FAM78B: variants seen among roughly 807,000 people sequenced by gnomAD.
The protein encoded by FAM78B is family with sequence similarity 78 member B.
In FAM78B, 10 loss-of-function variants were observed where a neutral mutation model predicts 20.0. That is an observed-to-expected ratio of 0.50 (90% CI 0.31 to 0.85). FAM78B has a LOEUF of 0.85. Ranked by LOEUF, FAM78B falls within the 40% of genes least tolerant of loss-of-function variation. The probability of loss-of-function intolerance (pLI) is 0.05; values close to 1 mark genes in which losing one functional copy is unlikely to be tolerated. For synonymous variants in FAM78B, 135 were observed against 132.8 expected, an observed-to-expected ratio of 1.02 and a Z score of -0.12; for missense variants, 283 against 345.0, an observed-to-expected ratio of 0.82 and a Z score of 1.42.
At chr1:166,098,712 T>C (rs1290736952) in intron 1 of FAM78B, among the ~76,000 whole-genome samples, 4 of 151,890 alleles carry the variant, frequency 2.6e-5, no homozygotes, top group Non-Finnish European at 5.9e-5. Flanking sequence ...GAATAAAATA[T>C]GAACAAAGCC....
intron 1 of FAM78B, among the ~76,000 whole-genome samples, chr1:166,091,610 G>A (rs1273399852): frequency 6.6e-6 from 1 of 152,150 alleles, no homozygotes; most frequent in African/African-American, 2.4e-5. Flanking sequence ...GCAGCATGAG[G>A]ACAGACTAAT....
chr1:166,137,998 G>A (rs551270187), intron 1 of FAM78B, among the ~76,000 whole-genome samples: 131 of 152,306 alleles, frequency 8.6e-4, no homozygotes, highest in Non-Finnish European at 1.6e-3. Flanking sequence ...TACTGGCAGG[G>A]CAGGGCTTCT....
intron 1 of FAM78B, among the ~76,000 whole-genome samples, chr1:166,086,497 T>C (rs1263089724): frequency 6.6e-6 from 1 of 152,074 alleles, no homozygotes; most frequent in African/African-American, 2.4e-5. Context: ...GTCAAGGTCA[T>C]GAAAGCGGGG....
chr1:166,156,825 A>G (rs1655915422), intron 1 of FAM78B, among the ~76,000 whole-genome samples: 1 of 151,780 alleles, frequency 6.6e-6, no homozygotes, highest in African/African-American at 2.4e-5. Context: ...GCTTGGACAA[A>G]CTGTAGCTCC....
intron 1 of FAM78B, among the ~76,000 whole-genome samples, chr1:166,115,639 G>C (rs527979810): frequency 6.6e-6 from 1 of 152,310 alleles, no homozygotes; most frequent in Admixed American, 6.5e-5. Flanking sequence ...GGCAGCTTAT[G>C]ATCTATCAAA....
downstream of FAM78B, among the ~76,000 whole-genome samples, chr1:166,068,259 C>CT (rs1651876571): frequency 6.6e-6 from 1 of 152,144 alleles, no homozygotes; most frequent in Non-Finnish European, 1.5e-5. Context: ...CTGCTTTGTA[C>CT]TTTAGCCATG....
intron 1 of FAM78B, among the ~76,000 whole-genome samples, chr1:166,147,403 T>C (rs1022746057): frequency 1.4e-4 from 22 of 152,142 alleles, no homozygotes; most frequent in African/African-American, 4.3e-4. Flanking sequence ...CCAGACCTTC[T>C]TGGGGAACTG....
At chr1:166,142,146 AGCTATACCCAG>A (rs1323233352) in intron 1 of FAM78B, among the ~76,000 whole-genome samples, 1 of 152,070 alleles carries the variant, frequency 6.6e-6, no homozygotes, top group Non-Finnish European at 1.5e-5. Context: ...CCTTGTGGAG[AGCTATACCCAG>A]GCAGGTCACT....
At chr1:166,103,185 T>G (rs1418617601) in intron 1 of FAM78B, among the ~76,000 whole-genome samples, 1 of 152,132 alleles carries the variant, frequency 6.6e-6, no homozygotes, top group Non-Finnish European at 1.5e-5. Flanking sequence ...TACCAGAATC[T>G]CTGGGACACA....
chr1:166,166,287 C>A lies in FAM78B; in HGVS notation c.-39G>T. 1 of 1,206,664 alleles carries A rather than the reference C, an allele frequency of 8.3e-7. No individual in the cohort carries two copies. The highest frequency in any genetic ancestry group is 1.0e-6 in the Non-Finnish European group (1 of 971,002). 74.7% of individuals were successfully genotyped at this position (1,206,664 alleles called of 1,614,324 possible). A position where few individuals can be genotyped will look rare whatever the true frequency, so the allele number is the denominator to read the frequency against. On this transcript the variant is annotated 5_prime_UTR_variant, in exon 1 of 2. Transcript: ENST00000354422. ...GCCGGCACGGCGCGGCGTGGGGCAG[C>A]GCGGGGGCCCGCGCGGGCAGCCGGG... is the stretch of plus-strand genomic sequence containing the variant.
intron 1 of FAM78B, among the ~76,000 whole-genome samples, chr1:166,128,094 G>GA (rs1468484858): frequency 6.6e-6 from 1 of 152,186 alleles, no homozygotes; most frequent in African/African-American, 2.4e-5. Flanking sequence ...GGAAGTGAAG[G>GA]AAATGTGGAA....
Position 166,127,045 on chromosome 1 carries a change from G to C in FAM78B, c.263+38941C>G, listed in dbSNP as rs562792884. Among the ~76,000 whole-genome samples, 120 of 152,338 alleles carry C rather than the reference G, an allele frequency of 7.9e-4. 2 individuals are homozygous for C. The South Asian group carries it at 0.024, about 30-fold the overall frequency. On this transcript the variant is annotated intron_variant, in intron 1 of 1. Coordinates refer to ENST00000354422, the MANE Select transcript of FAM78B (RefSeq NM_001017961.5). ...TATGGTAGAAGGAATAAAAGATTTTGAGGCTGAAGGCTGGGTCTTTCTCTC... is the reference window on the plus strand; with the variant it reads ...TATGGTAGAAGGAATAAAAGATTTTCAGGCTGAAGGCTGGGTCTTTCTCTC...
chr1:166,164,170 C>G (rs1014069094), intron 1 of FAM78B, among the ~76,000 whole-genome samples: 3 of 152,202 alleles, frequency 2.0e-5, no homozygotes, highest in African/African-American at 7.2e-5. Flanking sequence ...CAGAGAGTTC[C>G]GCTGTGCAGT....
intron 1 of FAM78B, among the ~76,000 whole-genome samples, chr1:166,149,204 C>T (rs1338272672): frequency 1.3e-5 from 2 of 152,052 alleles, no homozygotes; most frequent in East Asian, 3.9e-4. Flanking sequence ...GTTCTAGATC[C>T]CTGAGGAATC....
intron 1 of FAM78B, among the ~76,000 whole-genome samples, chr1:166,102,232 C>A (rs531690593): frequency 8.5e-5 from 13 of 152,106 alleles, no homozygotes; most frequent in African/African-American, 2.9e-4. Flanking sequence ...AAGGAACAAC[C>A]GGTAACAGCC....
At chr1:166,078,117 C>T (rs1484750656) in intron 1 of FAM78B, among the ~76,000 whole-genome samples, 2 of 150,954 alleles carry the variant, frequency 1.3e-5, no homozygotes, top group Non-Finnish European at 2.9e-5. Context: ...CTGCAACCTC[C>T]GCCTCTTGGG....
At chr1:166,154,557 T>C (rs1655818799) in intron 1 of FAM78B, among the ~76,000 whole-genome samples, 3 of 152,246 alleles carry the variant, frequency 2.0e-5, no homozygotes, top group Admixed American at 2.0e-4. Flanking sequence ...GATGGATTCT[T>C]CCTGCACCCT....
At chr1:166,124,534 A>G (rs1020001686) in intron 1 of FAM78B, among the ~76,000 whole-genome samples, 1 of 152,224 alleles carries the variant, frequency 6.6e-6, no homozygotes, top group African/African-American at 2.4e-5. Context: ...AGGCACAGAT[A>G]ATTTATATCA....
intron 1 of FAM78B, among the ~76,000 whole-genome samples, chr1:166,096,478 G>C (rs1165266641): frequency 6.6e-6 from 1 of 152,006 alleles, no homozygotes; most frequent in Non-Finnish European, 1.5e-5. Flanking sequence ...CTCGATGGTT[G>C]GTCAGTGGTA....
Sources: gnomAD v4.1 joint callset for allele counts (sites outside exome capture counted in the v4.1 genomes callset) on GRCh38, gnomAD v4.1.1 for gene constraint, MANE v1.5 for transcripts, NCBI Gene and HGNC (gene_info 2026-07-23, HGNC 2026-07-21) for gene names.